MAPKAP1: variants seen among roughly 807,000 people sequenced by gnomAD.
MAPKAP1 encodes MAPK associated protein 1.
In MAPKAP1, 20 loss-of-function variants were observed where a neutral mutation model predicts 65.7. That is an observed-to-expected ratio of 0.30 (90% confidence interval 0.21 to 0.44). MAPKAP1 has a LOEUF of 0.44. Among genes scored for constraint, MAPKAP1 ranks in the 20% least tolerant of loss-of-function variants. The pLI, the probability that MAPKAP1 is intolerant of heterozygous loss-of-function variation, is 1.00. For missense variants in MAPKAP1, 423 were observed against 648.0 expected, an observed-to-expected ratio of 0.65 and a Z score of 3.77; for synonymous variants, 222 against 244.3, an observed-to-expected ratio of 0.91 and a Z score of 0.85.
chr9:125,568,871 G>T, intron 5 of MAPKAP1: 2 of 178,444 alleles, frequency 1.1e-5, no homozygotes, highest in South Asian at 3.1e-4. Context: ...TTTCCAGTCA[G>T]ATTTCTGGCT....
rs556257805 is a variant in MAPKAP1, at chr9:125,521,445, G to T, written c.959-15028C>A. On this transcript the variant is annotated intron_variant, in intron 7 of 11. Coordinates refer to ENST00000265960, the MANE Select transcript of MAPKAP1 (RefSeq NM_001006617.3). ...CAAATTTTACATACAGTTATCTGTT[G>T]CTCTGTAAAGAAATACAGATGGTTT... 5.2e-5 allele frequency: 59 copies of T among 1,138,312 alleles called. No homozygotes were observed. The Admixed American group carries it at 1.3e-3, about 25-fold the overall frequency. 70.5% of individuals were successfully genotyped at this position (1,138,312 alleles called of 1,614,324 possible). A position where few individuals can be genotyped will look rare whatever the true frequency, so the allele number is the denominator to read the frequency against.
At chr9:125,610,914 A>G (rs545832695) in intron 4 of MAPKAP1, among the ~76,000 whole-genome samples, 2 of 152,248 alleles carry the variant, frequency 1.3e-5, no homozygotes, top group Non-Finnish European at 2.9e-5. Context: ...TCCAAATCAC[A>G]AAACATAGAA....
At chr9:125,687,223 TA>T (rs1835010822) in intron 1 of MAPKAP1, among the ~76,000 whole-genome samples, 1 of 151,360 alleles carries the variant, frequency 6.6e-6, no homozygotes, top group African/African-American at 2.4e-5. Context: ...AGTGTTATCA[TA>T]AAAGAAACTA....
intron 4 of MAPKAP1, among the ~76,000 whole-genome samples, chr9:125,616,170 A>G (rs536326006): frequency 6.6e-6 from 1 of 152,306 alleles, no homozygotes; most frequent in Non-Finnish European, 1.5e-5. Flanking sequence ...CAACTGATTA[A>G]CCACACAGAA....
intron 7 of MAPKAP1, among the ~76,000 whole-genome samples, chr9:125,531,914 T>TA (rs1829944782): frequency 6.6e-6 from 1 of 152,212 alleles, no homozygotes; most frequent in African/African-American, 2.4e-5. Flanking sequence ...TACTTTTAGG[T>TA]AAAATTTACA....
At chr9:125,590,404 C>T (rs1831921182) in intron 4 of MAPKAP1, among the ~76,000 whole-genome samples, 1 of 152,136 alleles carries the variant, frequency 6.6e-6, no homozygotes, top group South Asian at 2.1e-4. Context: ...AATCTCAGCA[C>T]TTTGGGAGGA....
intron 7 of MAPKAP1, among the ~76,000 whole-genome samples, chr9:125,508,444 ATC>A (rs2133088965): frequency 1.3e-5 from 2 of 152,292 alleles, no homozygotes; most frequent in South Asian, 4.2e-4. Flanking sequence ...CTATTAAACA[ATC>A]TCTGACTGTT....
intron 7 of MAPKAP1, among the ~76,000 whole-genome samples, chr9:125,523,611 G>A (rs901220805): frequency 7.9e-5 from 12 of 152,218 alleles, no homozygotes; most frequent in Admixed American, 5.9e-4. Context: ...ACTTTTAGCT[G>A]TTACGATGCT....
intron 8 of MAPKAP1, among the ~76,000 whole-genome samples, chr9:125,500,546 G>C (rs1370681857): frequency 6.6e-6 from 1 of 152,184 alleles, no homozygotes; most frequent in African/African-American, 2.4e-5. Context: ...ATAGGTATGA[G>C]TGTGCTTGTG....
chr9:125,531,469 C>T (rs1829931570), intron 7 of MAPKAP1, among the ~76,000 whole-genome samples: 1 of 152,204 alleles, frequency 6.6e-6, no homozygotes, highest in Non-Finnish European at 1.5e-5. Context: ...ATACCTGTAA[C>T]TGTAAATGCA....
rs563931994 is a variant in MAPKAP1, at chr9:125,684,252, T to A, written c.-69-11609A>T. On this transcript the variant is annotated intron_variant, in intron 1 of 11. Coordinates refer to ENST00000265960, the MANE Select transcript of MAPKAP1 (RefSeq NM_001006617.3). ...ATGTAATGGTTCAAATGGAAGCCGG[T>A]TTTTCTTCCTGGGAGACATTTAAGC... 2.6e-5 allele frequency among the ~76,000 whole-genome samples: 4 copies of A among 152,228 alleles called. No individual in the cohort carries two copies. In the East Asian group the frequency reaches 7.7e-4, roughly 29 times the overall value.
intron 9 of MAPKAP1, among the ~76,000 whole-genome samples, chr9:125,479,791 G>A (rs1564525413): frequency 6.6e-6 from 1 of 152,136 alleles, no homozygotes; most frequent in Non-Finnish European, 1.5e-5. Context: ...CAGCATGGAT[G>A]AGTGGTTTTC....
At chr9:125,592,281 A>G (rs962740561) in intron 4 of MAPKAP1, among the ~76,000 whole-genome samples, 1 of 152,116 alleles carries the variant, frequency 6.6e-6, no homozygotes, top group African/African-American at 2.4e-5. Context: ...ATAAAAATGT[A>G]CCCTTCCATG....
intron 5 of MAPKAP1, among the ~76,000 whole-genome samples, chr9:125,581,746 A>G (rs1438780017): frequency 6.6e-6 from 1 of 151,788 alleles, no homozygotes; most frequent in Admixed American, 6.6e-5. Flanking sequence ...TACATTTTAC[A>G]TTTAACTTGT....
intron 1 of MAPKAP1, among the ~76,000 whole-genome samples, chr9:125,682,111 A>G (rs1834841514): frequency 6.6e-6 from 1 of 152,176 alleles, no homozygotes; most frequent in African/African-American, 2.4e-5. Flanking sequence ...CAAATACATC[A>G]CTAAAATTGA....
At chr9:125,675,696 G>C (rs987664253) in intron 1 of MAPKAP1, among the ~76,000 whole-genome samples, 1 of 152,118 alleles carries the variant, frequency 6.6e-6, no homozygotes, top group Admixed American at 6.6e-5. Flanking sequence ...ACAAGGACAG[G>C]GTTCATAACA....
At position 125,440,538 on chromosome 9, in the gene MAPKAP1, C is replaced by T. The variant is rs570123292; in HGVS notation, c.1444-1526G>A. On this transcript the variant is annotated intron_variant, in intron 11 of 11. Coordinates refer to ENST00000265960, the MANE Select transcript of MAPKAP1 (RefSeq NM_001006617.3). ...TACTCCGAGGGCCATGTGTCCTGTG[C>T]CAGAGGGAGAGGAGCTTCTGCTGAC... is the stretch of plus-strand genomic sequence containing the variant. Among the ~76,000 whole-genome samples, 3 of 152,310 alleles carry T rather than the reference C, an allele frequency of 2.0e-5. No homozygotes were observed. The South Asian group carries it at 6.2e-4, about 32-fold the overall frequency.
chr9:125,454,131 G>A (rs1459989907), intron 10 of MAPKAP1, among the ~76,000 whole-genome samples: 1 of 152,216 alleles, frequency 6.6e-6, no homozygotes, highest in East Asian at 1.9e-4. Context: ...CCCTACTTCT[G>A]AATGCAGCAG....
At chr9:125,532,674 G>C (rs1829965685) in intron 7 of MAPKAP1, among the ~76,000 whole-genome samples, 1 of 152,178 alleles carries the variant, frequency 6.6e-6, no homozygotes, top group Admixed American at 6.5e-5. Flanking sequence ...AATGATGCAG[G>C]GTCCACATTA....
Sources: gnomAD v4.1 joint callset for allele counts (sites outside exome capture counted in the v4.1 genomes callset) on GRCh38, gnomAD v4.1.1 for gene constraint, MANE v1.5 for transcripts, NCBI Gene and HGNC (gene_info 2026-07-23, HGNC 2026-07-21) for gene names.